CLINT1: variants seen among roughly 807,000 people sequenced by gnomAD.
The protein encoded by CLINT1 is clathrin interactor 1.
Under a neutral mutation model 70.4 loss-of-function variants are expected in CLINT1, and 15 were observed. That is an observed-to-expected ratio of 0.21 (90% confidence interval 0.14 to 0.33). The LOEUF is 0.33. Ranked by LOEUF, CLINT1 falls within the 10% of genes least tolerant of loss-of-function variation. The pLI, the probability that CLINT1 is intolerant of heterozygous loss-of-function variation, is 1.00. For synonymous variants in CLINT1, 227 were observed against 254.7 expected (o/e 0.89, Z 1.04); for missense variants, 615 against 778.1 (o/e 0.79, Z 2.49).
At chr5:157,843,767 CAGTT>C (rs1047580025) in intron 1 of CLINT1, among the ~76,000 whole-genome samples, 15 of 152,218 alleles carry the variant, frequency 9.9e-5, no homozygotes, top group African/African-American at 2.2e-4. Flanking sequence ...GTAGTAAAAT[CAGTT>C]AGCCTTAAAA....
chr5:157,807,344 C>T (rs1184474790), intron 6 of CLINT1, among the ~76,000 whole-genome samples: 1 of 152,074 alleles, frequency 6.6e-6, no homozygotes, highest in South Asian at 2.1e-4. Flanking sequence ...TCCCATTAGT[C>T]CTACAAGTAA....
chr5:157,850,515 G>C lies in CLINT1; in HGVS notation c.41+8415C>G, dbSNP rs541496602. ...AGTCCCTCTTACTTGGGGGACTAAG[G>C]TGGGAGGATGGATTGAGCCCAGGAG... On this transcript the variant is annotated intron_variant, in intron 1 of 11. Transcript: ENST00000411809. Among the ~76,000 whole-genome samples the C allele has an allele frequency of 2.7e-5, 4 of 150,900 alleles. No individual in the cohort carries two copies. In the South Asian group the frequency reaches 8.4e-4, roughly 32 times the overall value.
At chr5:157,788,785 G>A (rs965662109) in intron 11 of CLINT1, among the ~76,000 whole-genome samples, 10 of 151,850 alleles carry the variant, frequency 6.6e-5, no homozygotes, top group Non-Finnish European at 1.5e-4. Context: ...CTGGACAACA[G>A]GGTGAAACCC....
Position 157,803,736 on chromosome 5 carries a change from A to G in CLINT1, c.943-17T>C. 6.6e-7 allele frequency: 1 copy of G among 1,519,342 alleles called. No homozygotes were observed. Among genetic ancestry groups the G allele is most frequent in the South Asian group, 1.4e-5 (1 of 73,626 alleles). The allele number at this position is 1,519,342 out of a possible 1,614,324, so 94.1% of individuals were successfully genotyped here. A position where few individuals can be genotyped will look rare whatever the true frequency, so the allele number is the denominator to read the frequency against. Reference sequence around the variant, plus strand: ...CACTGAAGTCTGAAAACACACACATAACTCAGGAGCTTCGAAAAGTTTGTT... The same window carrying G: ...CACTGAAGTCTGAAAACACACACATGACTCAGGAGCTTCGAAAAGTTTGTT... On this transcript the variant is annotated splice_polypyrimidine_tract_variant and intron_variant, in intron 7 of 11. Coordinates refer to ENST00000411809, the MANE Select transcript of CLINT1 (RefSeq NM_014666.4).
chr5:157,828,854 C>T (rs765071975), intron 1 of CLINT1, among the ~76,000 whole-genome samples: 11 of 148,652 alleles, frequency 7.4e-5, no homozygotes, highest in African/African-American at 2.8e-4. Flanking sequence ...TTTGAGAGGC[C>T]GAGGCAGGCA....
intron 1 of CLINT1, among the ~76,000 whole-genome samples, chr5:157,827,481 G>A (rs939691934): frequency 3.3e-5 from 5 of 152,142 alleles, no homozygotes; most frequent in African/African-American, 1.2e-4. Flanking sequence ...GGATAGTGGT[G>A]GGATTTCTGC....
chr5:157,847,672 GA>G (rs1406426641), intron 1 of CLINT1, among the ~76,000 whole-genome samples: 2 of 152,156 alleles, frequency 1.3e-5, no homozygotes, highest in African/African-American at 4.8e-5. Context: ...ATTAGGAGCG[GA>G]GCCTGAAGAT....
In CLINT1 at chr5:157,805,671, C is replaced by G. The variant is rs12514231; in HGVS notation, c.942+195G>C. The stretch of plus-strand genomic sequence containing the variant: ...TCATTTCTACTTTCATAGAAAGTAC[C>G]CAATCATTCAGCAATTGGACAGGTT... On this transcript the variant is annotated intron_variant, in intron 7 of 11. Transcript: ENST00000411809. Among the ~76,000 whole-genome samples, 748 of 152,180 alleles carry G rather than the reference C, an allele frequency of 4.9e-3. 6 individuals are homozygous for G. Among genetic ancestry groups the G allele is most frequent in the African/African-American group, 0.017 (711 of 41,512 alleles).
chr5:157,825,177 A>G (rs1304852476), intron 1 of CLINT1, among the ~76,000 whole-genome samples: 2 of 152,138 alleles, frequency 1.3e-5, no homozygotes, highest in Non-Finnish European at 2.9e-5. Flanking sequence ...TTAATACTTA[A>G]AACATATAAC....
intron 9 of CLINT1, among the ~76,000 whole-genome samples, 155 bp downstream of exon 9, chr5:157,794,743 C>T (rs1412539223): frequency 6.6e-6 from 1 of 152,178 alleles, no homozygotes; most frequent in African/African-American, 2.4e-5. Flanking sequence ...TTTAAGGCAT[C>T]TGCCCAATAA....
chr5:157,795,685 C>T (rs942004315), intron 8 of CLINT1: 4 of 151,998 alleles, frequency 2.6e-5, no homozygotes, highest in African/African-American at 7.2e-5. Flanking sequence ...TTTCCGTATG[C>T]TTGTAATTTT....
chr5:157,840,900 A>G (rs780364735), intron 1 of CLINT1, among the ~76,000 whole-genome samples: 1 of 152,006 alleles, frequency 6.6e-6, no homozygotes, highest in Non-Finnish European at 1.5e-5. Context: ...AAAAGTGTAT[A>G]TATTTTTTTC....
Position 157,827,633 on chromosome 5 carries a change from C to T in CLINT1, c.42-10086G>A, listed in dbSNP as rs544702809. Among the ~76,000 whole-genome samples, 11 of 152,226 alleles carry T rather than the reference C, an allele frequency of 7.2e-5. No individual in the cohort carries two copies. In the East Asian group the frequency reaches 1.2e-3, roughly 16 times the overall value. ...ATGTGCAAAGAAAACTACACGAATGCGATAAGCCAAGAAAAACATCCTGAT... is the reference window on the plus strand; with the variant it reads ...ATGTGCAAAGAAAACTACACGAATGTGATAAGCCAAGAAAAACATCCTGAT... On this transcript the variant is annotated intron_variant, in intron 1 of 11. Coordinates refer to ENST00000411809, the MANE Select transcript of CLINT1 (RefSeq NM_014666.4).
At chr5:157,822,823 AAAAACTTGAGC>A (rs1343505480) in intron 1 of CLINT1, among the ~76,000 whole-genome samples, 9 of 152,222 alleles carry the variant, frequency 5.9e-5, no homozygotes, top group African/African-American at 2.2e-4. Context: ...ATTAACAAGA[AAAAACTTGAGC>A]AGTCCTTGTT....
At chr5:157,826,637 T>C (rs1445740811) in intron 1 of CLINT1, among the ~76,000 whole-genome samples, 1 of 150,974 alleles carries the variant, frequency 6.6e-6, no homozygotes, top group Admixed American at 6.6e-5. Context: ...CATACATGCA[T>C]GTGAGATCAT....
At chr5:157,843,157 G>T (rs1361725660) in intron 1 of CLINT1, among the ~76,000 whole-genome samples, 1 of 152,028 alleles carries the variant, frequency 6.6e-6, no homozygotes, top group African/African-American at 2.4e-5. Context: ...TGTTAAAGGG[G>T]TTTAAATTTT....
chr5:157,791,600 A>G, intron 10 of CLINT1, 103 bp downstream of exon 10: 1 of 1,067,358 alleles, frequency 9.4e-7, no homozygotes. Context: ...TACACATAAA[A>G]AGGACTTGCT....
At chr5:157,792,342 T>C (rs989239501) in intron 9 of CLINT1, among the ~76,000 whole-genome samples, 1 of 152,094 alleles carries the variant, frequency 6.6e-6, no homozygotes, top group Non-Finnish European at 1.5e-5. Context: ...GGTCAGGAGA[T>C]TGAGACCATC....
intron 1 of CLINT1, among the ~76,000 whole-genome samples, chr5:157,843,742 C>A (rs1753274545): frequency 1.3e-5 from 2 of 152,090 alleles, no homozygotes; most frequent in Admixed American, 1.3e-4. Context: ...TTCCTCAGGA[C>A]AACATCTAAA....
Sources: gnomAD v4.1 joint callset for allele counts (sites outside exome capture counted in the v4.1 genomes callset) on GRCh38, gnomAD v4.1.1 for gene constraint, MANE v1.5 for transcripts, NCBI Gene and HGNC (gene_info 2026-07-23, HGNC 2026-07-21) for gene names.